The following CACNG3 variants were observed in gnomAD, a reference collection of about 807,000 sequenced individuals.
CACNG3 encodes the protein voltage-dependent calcium channel gamma-3 subunit.
A neutral mutation model predicts 28.5 loss-of-function variants in CACNG3; 3 were observed. The observed-to-expected ratio is 0.11, with a 90% confidence interval of 0.05 to 0.27. CACNG3 has a LOEUF of 0.27. CACNG3 is among the 10% of genes least tolerant of loss of function. The pLI is 1.00. For missense variants in CACNG3, 236 were observed against 414.4 expected (o/e 0.57, Z 3.74); for synonymous variants, 174 against 162.2 (o/e 1.07, Z -0.55).
intron 1 of CACNG3, among the ~76,000 whole-genome samples, chr16:24,286,286 A>T (rs1898892213): frequency 6.6e-6 from 1 of 152,072 alleles, no homozygotes; most frequent in Admixed American, 6.5e-5. Context: ...ACCAAAAGCA[A>T]TATTGCTGGA....
At chr16:24,290,650 A>G (rs1328388166) in intron 1 of CACNG3, among the ~76,000 whole-genome samples, 4 of 152,156 alleles carry the variant, frequency 2.6e-5, no homozygotes, top group African/African-American at 9.7e-5. Flanking sequence ...TGTTCCCCAG[A>G]CTGATCTTGA....
chr16:24,354,454 G>C (rs1900001940), intron 2 of CACNG3, among the ~76,000 whole-genome samples: 1 of 152,068 alleles, frequency 6.6e-6, no homozygotes, highest in African/African-American at 2.4e-5. Context: ...ATGGGCGTTT[G>C]AGAGCCTTTT....
intron 1 of CACNG3, among the ~76,000 whole-genome samples, chr16:24,318,940 C>G (rs1330836512): frequency 6.6e-6 from 1 of 152,208 alleles, no homozygotes; most frequent in East Asian, 1.9e-4. Context: ...TAAATAAGAT[C>G]TCACCACATG....
chr16:24,287,288 C>T (rs914860258), intron 1 of CACNG3, among the ~76,000 whole-genome samples: 27 of 151,644 alleles, frequency 1.8e-4, no homozygotes, highest in African/African-American at 6.3e-4. Flanking sequence ...GAGGCCGAGG[C>T]GGGTGGATCA....
intron 2 of CACNG3, among the ~76,000 whole-genome samples, chr16:24,350,452 C>T (rs1252040589): frequency 2.0e-5 from 3 of 152,060 alleles, no homozygotes; most frequent in Non-Finnish European, 4.4e-5. Context: ...CCACCACCAC[C>T]ATGTCTGGCT....
At chr16:24,357,824 C>T (rs146818152) in intron 3 of CACNG3, among the ~76,000 whole-genome samples, 1 of 152,310 alleles carries the variant, frequency 6.6e-6, no homozygotes, top group Non-Finnish European at 1.5e-5. Context: ...TTCCTAAGAA[C>T]AAGAGAAGAT....
At chr16:24,282,429 C>G (rs1296835960) in intron 1 of CACNG3, among the ~76,000 whole-genome samples, 1 of 150,038 alleles carries the variant, frequency 6.7e-6, no homozygotes, top group Non-Finnish European at 1.5e-5. Context: ...TAAACGGAAT[C>G]TTACACTCGG....
intron 1 of CACNG3, among the ~76,000 whole-genome samples, chr16:24,343,494 T>C (rs1330898660): frequency 1.3e-5 from 2 of 152,170 alleles, no homozygotes; most frequent in Admixed American, 6.5e-5. Context: ...ACCAACACCC[T>C]TCCCCTGCCC....
At chr16:24,281,964 A>G (rs2283551) in intron 1 of CACNG3, among the ~76,000 whole-genome samples, 6 of 152,008 alleles carry the variant, frequency 3.9e-5, no homozygotes, top group Non-Finnish European at 5.9e-5. Flanking sequence ...AGATGGTAAA[A>G]GATGGAGCCA....
intron 3 of CACNG3, among the ~76,000 whole-genome samples, chr16:24,358,074 G>A (rs1281046454): frequency 1.3e-5 from 2 of 152,172 alleles, no homozygotes; most frequent in African/African-American, 4.8e-5. Flanking sequence ...TGAAAGGATT[G>A]GAGGATTCAC....
intron 1 of CACNG3, among the ~76,000 whole-genome samples, chr16:24,334,772 T>C (rs1899678949): frequency 6.6e-6 from 1 of 152,250 alleles, no homozygotes; most frequent in Non-Finnish European, 1.5e-5. Flanking sequence ...AAAATTGGCA[T>C]GGCAGGTTGG....
intron 1 of CACNG3, among the ~76,000 whole-genome samples, chr16:24,284,931 G>C (rs71391554): frequency 0.035 from 5,319 of 151,486 alleles, 129 homozygotes; most frequent in Middle Eastern, 0.078. Flanking sequence ...GGACATAGCA[G>C]TGTGGTAAAG....
intron 1 of CACNG3, among the ~76,000 whole-genome samples, chr16:24,308,839 C>CAAAAAAAAAA (rs71154298): frequency 3.3e-3 from 91 of 27,272 alleles, no homozygotes; most frequent in East Asian, 4.0e-3. Context: ...GAACCTACCT[C>CAAAAAAAAAA]AAAAAAAAAA....
intron 1 of CACNG3, among the ~76,000 whole-genome samples, chr16:24,260,772 A>T (rs918878181): frequency 2.0e-5 from 3 of 152,230 alleles, no homozygotes; most frequent in African/African-American, 7.2e-5. Flanking sequence ...ATGGAGAGAC[A>T]ATTGACCTGT....
intron 3 of CACNG3, among the ~76,000 whole-genome samples, chr16:24,357,146 A>C (rs866778246): frequency 4.0e-5 from 6 of 151,348 alleles, no homozygotes; most frequent in Non-Finnish European, 7.4e-5. Context: ...AGGCAGGAGA[A>C]TCGCTTGAAC....
intron 1 of CACNG3, among the ~76,000 whole-genome samples, chr16:24,336,015 C>A (rs967757184): frequency 5.3e-4 from 80 of 151,836 alleles, no homozygotes; most frequent in African/African-American, 1.8e-3. Context: ...CCAATAAATA[C>A]TTTTAGAAAA....
intron 1 of CACNG3, among the ~76,000 whole-genome samples, chr16:24,309,072 A>G (rs890103312): frequency 6.6e-6 from 1 of 152,106 alleles, no homozygotes; most frequent in Non-Finnish European, 1.5e-5. Flanking sequence ...GCCTAAGGTT[A>G]CACAGCTAAT....
At chr16:24,350,794 T>C (rs1341566255) in intron 2 of CACNG3, among the ~76,000 whole-genome samples, 1 of 152,118 alleles carries the variant, frequency 6.6e-6, no homozygotes, top group Non-Finnish European at 1.5e-5. Flanking sequence ...CCTTTAAAGG[T>C]TAGTCCACAA....
At chr16:24,332,647 G>A (rs1331013711) in intron 1 of CACNG3, among the ~76,000 whole-genome samples, 2 of 152,066 alleles carry the variant, frequency 1.3e-5, no homozygotes, top group Non-Finnish European at 2.9e-5. Flanking sequence ...TCAGCTCAGG[G>A]TCCTTGTTAC....
Sources: gnomAD v4.1 joint callset for allele counts (sites outside exome capture counted in the v4.1 genomes callset) on GRCh38, gnomAD v4.1.1 for gene constraint, MANE v1.5 for transcripts, NCBI Gene and HGNC (gene_info 2026-07-23, HGNC 2026-07-21) for gene names.